The following DAB1 variants were observed in gnomAD, a reference collection of about 807,000 sequenced individuals.
DAB1 encodes DAB adaptor protein 1, also known as disabled homolog 1.
In DAB1, 15 loss-of-function variants were observed where a neutral mutation model predicts 64.6. The ratio of observed to expected loss-of-function variants is 0.23; its 90% CI spans 0.16 to 0.36. DAB1 has a LOEUF of 0.36. Among genes scored for constraint, DAB1 ranks in the 10% least tolerant of loss-of-function variants. The pLI, the probability that DAB1 is intolerant of heterozygous loss-of-function variation, is 1.00. For synonymous variants in DAB1, 235 were observed against 251.9 expected, an observed-to-expected ratio of 0.93 and a Z score of 0.64; for missense variants, 596 against 706.7, an observed-to-expected ratio of 0.84 and a Z score of 1.78.
chr1:57,984,215 A>AGAAAG (rs1414059772), intron 5 of DAB1, among the ~76,000 whole-genome samples: 3 of 148,390 alleles, frequency 2.0e-5, no homozygotes, highest in African/African-American at 7.6e-5. Flanking sequence ...AAAGAAAGAA[A>AGAAAG]GAAAGAAAGA....
At chr1:58,071,372 G>GTGTGTA (rs1228698766) in intron 5 of DAB1, among the ~76,000 whole-genome samples, 46 of 128,336 alleles carry the variant, frequency 3.6e-4, no homozygotes, top group African/African-American at 1.5e-3. Flanking sequence ...TGGTGTGTGT[G>GTGTGTA]TGTGTGTGTG....
At chr1:57,551,346 C>G (rs1644912266) in intron 7 of DAB1, among the ~76,000 whole-genome samples, 2 of 152,136 alleles carry the variant, frequency 1.3e-5, no homozygotes, top group Admixed American at 1.3e-4. Context: ...CCAGCCTCTC[C>G]CTTGGTAGAA....
intron 4 of DAB1, among the ~76,000 whole-genome samples, chr1:57,073,091 T>A (rs1470881505): frequency 1.3e-5 from 2 of 152,176 alleles, no homozygotes; most frequent in Admixed American, 6.5e-5. Context: ...TGAGTGAAAC[T>A]TCCTCTGAAC....
chr1:57,106,262 C>CCT (rs758120942), intron 4 of DAB1, among the ~76,000 whole-genome samples: 4 of 151,288 alleles, frequency 2.6e-5, no homozygotes, highest in South Asian at 2.1e-4. Flanking sequence ...CTAACACCCC[C>CCT]CCCCATCAGT....
chr1:57,525,465 AT>A (rs1170600399), intron 7 of DAB1, among the ~76,000 whole-genome samples: 2 of 152,226 alleles, frequency 1.3e-5, no homozygotes, highest in Non-Finnish European at 2.9e-5. Flanking sequence ...GCAAATATTA[AT>A]TCTAGGAAAA....
At chr1:58,145,358 C>T (rs1196672942) in intron 5 of DAB1, among the ~76,000 whole-genome samples, 4 of 152,054 alleles carry the variant, frequency 2.6e-5, no homozygotes, top group South Asian at 2.1e-4. Context: ...GGCCATTATC[C>T]GCAACACATG....
intron 7 of DAB1, among the ~76,000 whole-genome samples, chr1:57,461,839 T>C (rs1385002712): frequency 6.6e-6 from 1 of 151,632 alleles, no homozygotes; most frequent in Admixed American, 6.6e-5. Flanking sequence ...GTCTTAATAA[T>C]ATAATATTTA....
At chr1:58,207,244 G>A (rs968374576) in intron 4 of DAB1, among the ~76,000 whole-genome samples, 5 of 152,184 alleles carry the variant, frequency 3.3e-5, no homozygotes, top group Admixed American at 3.3e-4. Flanking sequence ...CTAAGTTTTG[G>A]AGTGGCTTGT....
At chr1:57,278,598 G>A (rs545543459) in intron 2 of DAB1, among the ~76,000 whole-genome samples, 3 of 152,336 alleles carry the variant, frequency 2.0e-5, no homozygotes, top group East Asian at 3.9e-4. Context: ...CTGAGGAGGA[G>A]CTCTATGGCA....
At chr1:58,189,241 G>T (rs918309528) in intron 4 of DAB1, among the ~76,000 whole-genome samples, 1 of 152,222 alleles carries the variant, frequency 6.6e-6, no homozygotes. Flanking sequence ...AGGAAAGGAT[G>T]TTTTTATTCC....
chr1:57,526,089 C>A (rs1374872480), intron 7 of DAB1, among the ~76,000 whole-genome samples: 1 of 152,066 alleles, frequency 6.6e-6, no homozygotes, highest in Non-Finnish European at 1.5e-5. Flanking sequence ...AGGCACCCGC[C>A]ACCACACCCA....
intron 1 of DAB1, among the ~76,000 whole-genome samples, chr1:57,331,107 G>A (rs1326027514): frequency 6.6e-6 from 1 of 152,142 alleles, no homozygotes; most frequent in African/African-American, 2.4e-5. Flanking sequence ...GAATAAGTCT[G>A]AACAAGTAAG....
chr1:57,073,754 A>G (rs1050320272), intron 4 of DAB1, among the ~76,000 whole-genome samples: 3 of 152,220 alleles, frequency 2.0e-5, no homozygotes, highest in Non-Finnish European at 4.4e-5. Flanking sequence ...AGGGGTCATT[A>G]AATGTAATAA....
intron 5 of DAB1, among the ~76,000 whole-genome samples, chr1:58,140,952 A>G (rs1277536582): frequency 1.3e-5 from 2 of 152,174 alleles, no homozygotes; most frequent in Non-Finnish European, 2.9e-5. Context: ...CTATAAAGAA[A>G]TATCTGAATG....
intron 4 of DAB1, among the ~76,000 whole-genome samples, chr1:58,291,908 G>A (rs1055169969): frequency 1.2e-4 from 19 of 152,184 alleles, no homozygotes; most frequent in African/African-American, 1.2e-4. Flanking sequence ...TTATTTCTGT[G>A]TGTGTCTCTG....
chr1:58,118,117 C>T (rs1332879999), intron 5 of DAB1, among the ~76,000 whole-genome samples: 1 of 151,528 alleles, frequency 6.6e-6, no homozygotes, highest in Non-Finnish European at 1.5e-5. Flanking sequence ...CCTTACATTG[C>T]CCAGGCTGGT....
At chr1:58,005,658 A>C (rs1003150686) in intron 5 of DAB1, among the ~76,000 whole-genome samples, 1 of 151,864 alleles carries the variant, frequency 6.6e-6, no homozygotes, top group African/African-American at 2.4e-5. Flanking sequence ...ACTAGATAAG[A>C]ATACTGAACA....
At chr1:57,467,230 C>T (rs1686982589) in intron 7 of DAB1, among the ~76,000 whole-genome samples, 1 of 152,150 alleles carries the variant, frequency 6.6e-6, no homozygotes, top group Non-Finnish European at 1.5e-5. Context: ...AAAACACCTT[C>T]AGATAATCTG....
rs573900534 is a variant in DAB1, at chr1:58,058,500, C to T, written n.387+92011G>A. On this transcript the variant is annotated intron_variant and non_coding_transcript_variant, in intron 5 of 20. Coordinates refer to the DAB1 transcript ENST00000485760. Reference sequence around the variant, plus strand: ...CATGGTGCAATAACTCTCTGCCAGGCTCTGAACAGTTTTCCCAGTCATCAA... The same window carrying T: ...CATGGTGCAATAACTCTCTGCCAGGTTCTGAACAGTTTTCCCAGTCATCAA... Among the ~76,000 whole-genome samples the T allele has an allele frequency of 2.5e-3, 381 of 152,262 alleles. 3 individuals are homozygous for T. The highest frequency in any genetic ancestry group is 8.7e-3 in the African/African-American group (361 of 41,552).
Sources: gnomAD v4.1 joint callset for allele counts (sites outside exome capture counted in the v4.1 genomes callset) on GRCh38, gnomAD v4.1.1 for gene constraint, MANE v1.5 for transcripts, NCBI Gene and HGNC (gene_info 2026-07-23, HGNC 2026-07-21) for gene names.